NR2F1-AS1: variants seen among roughly 807,000 people sequenced by gnomAD.
The protein encoded by NR2F1-AS1 is NR2F1 antisense RNA 1.
At chr5:93,452,675 C>T (rs1459195736) in intron 4 of NR2F1-AS1, among the ~76,000 whole-genome samples, 1 of 152,162 alleles carries the variant, frequency 6.6e-6, no homozygotes, top group Non-Finnish European at 1.5e-5. Flanking sequence ...CCACAGTTCA[C>T]ATAGAGCTAA....
At chr5:93,444,436 A>G (rs1749646966) in intron 4 of NR2F1-AS1, among the ~76,000 whole-genome samples, 2 of 152,162 alleles carry the variant, frequency 1.3e-5, no homozygotes, top group Non-Finnish European at 2.9e-5. Flanking sequence ...ACCAACTAAG[A>G]CCAAAAGAGA....
chr5:93,433,344 A>G (rs755516691), intron 4 of NR2F1-AS1, among the ~76,000 whole-genome samples: 3 of 152,194 alleles, frequency 2.0e-5, no homozygotes, highest in Non-Finnish European at 2.9e-5. Context: ...TAATTCCAGT[A>G]GTTCCACATT....
chr5:93,506,035 C>T (rs759155257), intron 4 of NR2F1-AS1, among the ~76,000 whole-genome samples: 20 of 152,184 alleles, frequency 1.3e-4, no homozygotes, highest in Non-Finnish European at 5.9e-5. Flanking sequence ...AAACAGAATG[C>T]TTTTAACAGC....
intron 4 of NR2F1-AS1, among the ~76,000 whole-genome samples, chr5:93,458,528 A>G (rs1750003871): frequency 6.6e-6 from 1 of 152,216 alleles, no homozygotes; most frequent in East Asian, 1.9e-4. Flanking sequence ...AATTCATTCA[A>G]AATGTATCAT....
intron 4 of NR2F1-AS1, among the ~76,000 whole-genome samples, chr5:93,447,145 A>C (rs1192584695): frequency 2.0e-5 from 3 of 152,230 alleles, no homozygotes; most frequent in Non-Finnish European, 4.4e-5. Flanking sequence ...AGGCATGGGC[A>C]AGGACTTCAT....
intron 4 of NR2F1-AS1, among the ~76,000 whole-genome samples, chr5:93,446,147 G>T (rs1413500458): frequency 6.6e-6 from 1 of 152,284 alleles, no homozygotes; most frequent in East Asian, 1.9e-4. Flanking sequence ...GCATAAGACA[G>T]GGATGCCCTC....
At chr5:93,457,961 G>C (rs766792742) in intron 4 of NR2F1-AS1, among the ~76,000 whole-genome samples, 3 of 152,146 alleles carry the variant, frequency 2.0e-5, no homozygotes, top group African/African-American at 4.8e-5. Flanking sequence ...TCGCAAGGCT[G>C]ACTGTAGACA....
intron 4 of NR2F1-AS1, among the ~76,000 whole-genome samples, chr5:93,463,095 G>A (rs1750134165): frequency 6.6e-6 from 1 of 152,134 alleles, no homozygotes; most frequent in Admixed American, 6.5e-5. Flanking sequence ...GACCTTTGCG[G>A]CAGCCCCACC....
chr5:93,445,394 T>C (rs553413054), intron 4 of NR2F1-AS1, among the ~76,000 whole-genome samples: 10 of 152,174 alleles, frequency 6.6e-5, no homozygotes, highest in African/African-American at 1.9e-4. Context: ...AAATACAAAC[T>C]ACCATCAGAG....
chr5:93,440,568 T>A (rs1749546423), intron 4 of NR2F1-AS1, among the ~76,000 whole-genome samples: 1 of 152,220 alleles, frequency 6.6e-6, no homozygotes, highest in African/African-American at 2.4e-5. Flanking sequence ...AGACTCCAGC[T>A]GGAACTATAC....
chr5:93,581,500 C>T (rs1481197966), upstream of NR2F1-AS1, among the ~76,000 whole-genome samples: 2 of 152,000 alleles, frequency 1.3e-5, no homozygotes, highest in Non-Finnish European at 2.9e-5. Flanking sequence ...AGGCTGCCTG[C>T]GGGGAGGGGA....
At chr5:93,569,496 A>G (rs1159632610) in intron 1 of NR2F1-AS1, among the ~76,000 whole-genome samples, 1 of 152,178 alleles carries the variant, frequency 6.6e-6, no homozygotes, top group Non-Finnish European at 1.5e-5. Context: ...CTTTGAAGAA[A>G]TGGAGCGCTG....
chr5:93,494,208 C>T (rs1243389997), intron 4 of NR2F1-AS1, among the ~76,000 whole-genome samples: 1 of 152,150 alleles, frequency 6.6e-6, no homozygotes, highest in Admixed American at 6.5e-5. Context: ...ATAGGCATTT[C>T]TCCAAAAGAG....
chr5:93,442,218 A>G (rs1335599245), intron 4 of NR2F1-AS1, among the ~76,000 whole-genome samples: 1 of 152,088 alleles, frequency 6.6e-6, no homozygotes, highest in Non-Finnish European at 1.5e-5. Context: ...CAGCCCACAG[A>G]GTGTGAGCTG....
rs575537505 is a variant in NR2F1-AS1 at position 93,455,484 on chromosome 5, C to T, written n.639-59942G>A. Among the ~76,000 whole-genome samples, 4 of 152,126 alleles carry T rather than the reference C, an allele frequency of 2.6e-5. No homozygotes were observed. In the South Asian group the frequency reaches 6.2e-4, roughly 24 times the overall value. ...AAAAAAGCAAGATAATAAATTTAAACTCAACCATACCAATAACAACATTAG... is the reference window on the plus strand; with the variant it reads ...AAAAAAGCAAGATAATAAATTTAAATTCAACCATACCAATAACAACATTAG... On this transcript the variant is annotated intron_variant and non_coding_transcript_variant, in intron 4 of 5. Transcript: ENST00000660523.
chr5:93,471,392 G>A (rs182944175), intron 4 of NR2F1-AS1, among the ~76,000 whole-genome samples: 101 of 151,920 alleles, frequency 6.6e-4, no homozygotes, highest in African/African-American at 2.1e-3. Flanking sequence ...GTATAAAGAC[G>A]TGCATTCCAA....
intron 4 of NR2F1-AS1, among the ~76,000 whole-genome samples, chr5:93,496,499 A>C (rs1472510640): frequency 6.6e-6 from 1 of 152,138 alleles, no homozygotes; most frequent in Admixed American, 6.6e-5. Context: ...TCCCTCTACC[A>C]TGTCTTCTTA....
chr5:93,466,400 A>G (rs1363724494), intron 4 of NR2F1-AS1, among the ~76,000 whole-genome samples: 5 of 150,792 alleles, frequency 3.3e-5, no homozygotes, highest in Non-Finnish European at 4.4e-5. Context: ...TGGCGCACTC[A>G]ATCTCAGCTC....
chr5:93,578,813 T>C (rs1016079316), intron 1 of NR2F1-AS1, among the ~76,000 whole-genome samples: 1 of 152,206 alleles, frequency 6.6e-6, no homozygotes, highest in African/African-American at 2.4e-5. Flanking sequence ...CTAAGTACTC[T>C]CGAAAACTAT....
Sources: gnomAD v4.1 joint callset for allele counts (sites outside exome capture counted in the v4.1 genomes callset) on GRCh38, gnomAD v4.1.1 for gene constraint, MANE v1.5 for transcripts, NCBI Gene and HGNC (gene_info 2026-07-23, HGNC 2026-07-21) for gene names.